Variants in ZNF652 observed in about 807,000 individuals in gnomAD.
ZNF652 encodes the protein zinc finger protein 652.
Under a neutral mutation model 45.2 loss-of-function variants are expected in ZNF652, and 16 were observed. That is an observed-to-expected ratio of 0.35 (90% CI 0.24 to 0.54). ZNF652 has a LOEUF of 0.54. Ranked by LOEUF, ZNF652 falls within the 20% of genes least tolerant of loss-of-function variation. The pLI, the probability that ZNF652 is intolerant of heterozygous loss-of-function variation, is 0.91. For synonymous variants in ZNF652, 250 were observed against 260.6 expected (o/e 0.96, Z 0.39); for missense variants, 614 against 765.6 (o/e 0.80, Z 2.34).
chr17:49,311,504 TACCTGAGCCC>T (rs778977135), intron 4 of ZNF652, 48 bp from the exon 5 acceptor site: 2 of 1,590,060 alleles, frequency 1.3e-6, no homozygotes, highest in East Asian at 4.5e-5. Context: ...ATAGTAGCTT[TACCTGAGCCC>T]ACCCTAACAC....
At chr17:49,327,435 C>A (rs1025447982) in intron 1 of ZNF652, among the ~76,000 whole-genome samples, 14 of 151,830 alleles carry the variant, frequency 9.2e-5, no homozygotes, top group African/African-American at 3.4e-4. Context: ...GCTGGCATTA[C>A]AAGCGTGAGC....
chr17:49,315,017 C>T (rs149312942), intron 2 of ZNF652, among the ~76,000 whole-genome samples: 50 of 150,734 alleles, frequency 3.3e-4, no homozygotes, highest in African/African-American at 1.1e-3. Context: ...CCACTGCACC[C>T]GGCCTTAGGG....
chr17:49,314,094 T>C (rs1219675307), intron 2 of ZNF652, among the ~76,000 whole-genome samples: 1 of 151,486 alleles, frequency 6.6e-6, no homozygotes, highest in East Asian at 1.9e-4. Context: ...TAATTTATAC[T>C]TTCAAACACG....
rs561958758 is a variant in ZNF652, at chr17:49,317,749, A to T, written c.-24T>A. ...ATTGGTAAGTGGCCCAATTTATTAA[A>T]CAGTTCAGACTATAAAGAAATAGCT... On this transcript the variant is annotated 5_prime_UTR_variant, in exon 2 of 6. It introduces an in-frame stop codon into an upstream open reading frame of the 5' UTR. Transcript: ENST00000430262. 6.5e-7 allele frequency: 1 copy of T among 1,549,800 alleles called. No individual in the cohort carries two copies. The highest frequency in any genetic ancestry group is 1.4e-5 in the African/African-American group (1 of 73,022).
At chr17:49,330,765 CAG>C (rs1416484065) in intron 1 of ZNF652, among the ~76,000 whole-genome samples, 1 of 151,710 alleles carries the variant, frequency 6.6e-6, no homozygotes, top group African/African-American at 2.4e-5. Flanking sequence ...TAAAAAAAAT[CAG>C]AGGCCGGGCA....
intron 5 of ZNF652, among the ~76,000 whole-genome samples, chr17:49,301,544 C>T (rs573769239): frequency 6.6e-6 from 1 of 152,226 alleles, no homozygotes; most frequent in South Asian, 2.1e-4. Context: ...GTGATCCGCC[C>T]ACCTCGGCCT....
intron 5 of ZNF652, among the ~76,000 whole-genome samples, chr17:49,301,573 C>T (rs976082902): frequency 1.3e-5 from 2 of 151,222 alleles, no homozygotes; most frequent in Non-Finnish European, 2.9e-5. Context: ...GCTGGGATTA[C>T]AGGTGTGAGC....
At chr17:49,320,883 C>T (rs565189650) in intron 1 of ZNF652, among the ~76,000 whole-genome samples, 1 of 91,222 alleles carries the variant, frequency 1.1e-5, no homozygotes, top group East Asian at 2.7e-4. Flanking sequence ...GACGGAGTCT[C>T]GCTGTCACCC....
At position 49,296,904 on chromosome 17, in the gene ZNF652, A is replaced by C. The variant is rs1246804186; in HGVS notation, c.*1509T>G. On this transcript the variant is annotated 3_prime_UTR_variant, in exon 6 of 6. Coordinates refer to ENST00000430262, the MANE Select transcript of ZNF652 (RefSeq NM_001145365.3). The stretch of plus-strand genomic sequence containing the variant: ...CCTTCTGTTCAGCCTTTCCTATAAT[A>C]AGCTCCTGGTTGATTATGGTCTTTT... 2 of 152,194 alleles carry C rather than the reference A, an allele frequency of 1.3e-5. No individual in the cohort carries two copies. Among genetic ancestry groups the C allele is most frequent in the Non-Finnish European group, 2.9e-5 (2 of 68,032 alleles). The allele number at this position is 152,194 out of a possible 1,614,324, so 9.4% of individuals were successfully genotyped here.
chr17:49,300,752 GT>G (rs777013469), intron 5 of ZNF652, among the ~76,000 whole-genome samples: 11 of 152,112 alleles, frequency 7.2e-5, no homozygotes, highest in Non-Finnish European at 1.5e-4. Flanking sequence ...CAACGAATGT[GT>G]TTATTCTACT....
Position 49,297,486 on chromosome 17 carries a change from A to G in ZNF652, c.*927T>C, listed in dbSNP as rs977601946. On this transcript the variant is annotated 3_prime_UTR_variant, in exon 6 of 6. Transcript: ENST00000430262. The stretch of plus-strand genomic sequence containing the variant: ...TAATGCACTAACGAAGCCAAGCAGA[A>G]CATGGAGGACAGGAGCACATTAGGG... The G allele has an allele frequency of 6.6e-6, 1 of 152,488 alleles. No homozygotes were observed. Among genetic ancestry groups the G allele is most frequent in the Non-Finnish European group, 1.5e-5 (1 of 68,034 alleles). 9.4% of individuals were successfully genotyped at this position (152,488 alleles called of 1,614,324 possible).
rs1448257598 is a variant in ZNF652, at chr17:49,295,488, G to C, written c.*2925C>G. On this transcript the variant is annotated 3_prime_UTR_variant, in exon 6 of 6. Coordinates refer to ENST00000430262, the MANE Select transcript of ZNF652 (RefSeq NM_001145365.3). Reference sequence around the variant, plus strand: ...TTAATACTGGTTTTCCTGTATAGCAGATATTTTCTTATGGCTATATTTACT... The same window carrying C: ...TTAATACTGGTTTTCCTGTATAGCACATATTTTCTTATGGCTATATTTACT... The C allele has an allele frequency of 6.6e-6, 1 of 152,214 alleles. No homozygotes were observed. The highest frequency in any genetic ancestry group is 2.4e-5 in the African/African-American group (1 of 41,388). 9.4% of individuals were successfully genotyped at this position (152,214 alleles called of 1,614,324 possible). A position where few individuals can be genotyped will look rare whatever the true frequency, so the allele number is the denominator to read the frequency against.
chr17:49,305,164 T>C (rs979354819), intron 5 of ZNF652, among the ~76,000 whole-genome samples: 2 of 152,142 alleles, frequency 1.3e-5, no homozygotes, highest in Admixed American at 6.6e-5. Context: ...ACTACTGATA[T>C]CCAATCAATC....
rs772394365 is a variant in ZNF652, at chr17:49,317,290, C to G, written c.436G>C (p.Val146Leu). Reference protein sequence around the residue: ...GVSSQSKETPVLKTSSEEEEE... With the variant: ...GVSSQSKETPLLKTSSEEEEE... ...TCCTCCTCACTGCTTGTCTTAAGAACAGGAGTCTCTTTGGACTGAGAAGAG... is the reference window on the plus strand; with the variant it reads ...TCCTCCTCACTGCTTGTCTTAAGAAGAGGAGTCTCTTTGGACTGAGAAGAG... The change falls in exon 2 of 6, where the codon GTT becomes CTT. Residue 146 changes from valine (V) to leucine (L), a missense_variant. Val to Leu is a conservative substitution (Grantham distance 32). Coordinates refer to ENST00000430262, the MANE Select transcript of ZNF652 (RefSeq NM_001145365.3). The G allele has an allele frequency of 9.9e-6, 16 of 1,612,828 alleles. No homozygotes were observed. In the South Asian group the frequency reaches 1.5e-4, roughly 15 times the overall value.
At position 49,298,229 on chromosome 17, in the gene ZNF652, C is replaced by A; in HGVS notation, c.*184G>T. On this transcript the variant is annotated 3_prime_UTR_variant, in exon 6 of 6. Transcript: ENST00000430262. ...TGGTTCCCCTGGTTTAGATGACAGT[C>A]CCTCTGTGAGCTCAAGGTAGTCTTC... 6.9e-6 allele frequency: 5 copies of A among 729,548 alleles called. No homozygotes were observed. Among genetic ancestry groups the A allele is most frequent in the Non-Finnish European group, 1.1e-5 (5 of 462,850 alleles). 45.2% of individuals were successfully genotyped at this position (729,548 alleles called of 1,614,324 possible).
rs1315981217 is a variant in ZNF652 at position 49,297,264 on chromosome 17, G to A, written c.*1149C>T. 1.3e-5 allele frequency: 2 copies of A among 152,472 alleles called. No homozygotes were observed. Among genetic ancestry groups the A allele is most frequent in the African/African-American group, 4.8e-5 (2 of 41,404 alleles). The allele number at this position is 152,472 out of a possible 1,614,324, so 9.4% of individuals were successfully genotyped here. On this transcript the variant is annotated 3_prime_UTR_variant, in exon 6 of 6. Coordinates refer to ENST00000430262, the MANE Select transcript of ZNF652 (RefSeq NM_001145365.3). ...AAAATAAAGCAACCTCAAAATGAGC[G>A]ATTTCAATTTGTCATCCCATAAAAG...
Position 49,298,678 on chromosome 17 carries a change from A to G in ZNF652, c.1556T>C (p.Val519Ala). 1.9e-6 allele frequency: 3 copies of G among 1,613,930 alleles called. No homozygotes were observed. The highest frequency in any genetic ancestry group is 2.5e-6 in the Non-Finnish European group (3 of 1,180,000). The change falls in exon 6 of 6, where the codon GTG becomes GCG. Residue 519 changes from valine (V) to alanine (A), a missense_variant. Around this residue, in one of 5 missense-constraint regions of ZNF652, gnomAD observed 132 missense variants for 137.2 expected, o/e 0.96. Coordinates refer to ENST00000430262, the MANE Select transcript of ZNF652 (RefSeq NM_001145365.3). ...GGTTGGGGTTGTGGCTGTGTTCACC[A>G]CAGAAGGAACTGGGGTGGCTGGGGA... Reference protein sequence around the residue: ...TTSPATPVPSVVNTATTPTPP... With the variant: ...TTSPATPVPSAVNTATTPTPP...
At chr17:49,307,586 CAAAAAAA>C (rs35063586) in intron 5 of ZNF652, among the ~76,000 whole-genome samples, 2 of 123,550 alleles carry the variant, frequency 1.6e-5, no homozygotes, top group East Asian at 4.7e-4. Context: ...ACTAAAAATA[CAAAAAAA>C]AAAAAAAAAT....
chr17:49,343,229 T>C (rs2070168243), intron 1 of ZNF652, among the ~76,000 whole-genome samples: 1 of 152,226 alleles, frequency 6.6e-6, no homozygotes, highest in Non-Finnish European at 1.5e-5. Flanking sequence ...TTCTCTATAA[T>C]GTACAATGAA....
Sources: gnomAD v4.1 joint callset for allele counts (sites outside exome capture counted in the v4.1 genomes callset) on GRCh38, gnomAD v4.1.1 for gene constraint, gnomAD v4.1.1 regional missense constraint, MANE v1.5 for transcripts, NCBI Gene and HGNC (gene_info 2026-07-23, HGNC 2026-07-21) for gene names.